RHOJ: variants seen among roughly 807,000 people sequenced by gnomAD.
RHOJ encodes the protein rho-related GTP-binding protein RhoJ.
Under a neutral mutation model 23.4 loss-of-function variants are expected in RHOJ, and 11 were observed. The observed-to-expected ratio is 0.47, with a 90% confidence interval of 0.30 to 0.78. The LOEUF (loss-of-function observed/expected upper bound fraction) is 0.78, where lower values mean the gene tolerates loss of function less well. Among genes scored for constraint, RHOJ ranks in the 30% least tolerant of loss-of-function variants. RHOJ has a pLI of 0.08. For synonymous variants in RHOJ, 102 were observed against 102.7 expected (o/e 0.99, Z 0.04); for missense variants, 254 against 273.4 (o/e 0.93, Z 0.50).
rs1413378306 is a variant in RHOJ, at chr14:63,283,427, T to C, written c.498+211T>C. Among the ~76,000 whole-genome samples the C allele has an allele frequency of 2.0e-5, 3 of 152,242 alleles. No homozygotes were observed. The East Asian group carries it at 5.8e-4, about 29-fold the overall frequency. ...GTCAGCCAGCATTGTCTGTTTTTCATTCAGAAAGCAATTTGGTGAATTTAA... is the reference window on the plus strand; with the variant it reads ...GTCAGCCAGCATTGTCTGTTTTTCACTCAGAAAGCAATTTGGTGAATTTAA... On this transcript the variant is annotated intron_variant, in intron 4 of 4. Coordinates refer to ENST00000316754, the MANE Select transcript of RHOJ (RefSeq NM_020663.5).
At position 63,204,867 on chromosome 14, in the gene RHOJ, A is replaced by G. The variant is rs751288708; in HGVS notation, c.-3A>G. 6.2e-7 allele frequency: 1 copy of G among 1,611,790 alleles called. No individual in the cohort carries two copies. Among genetic ancestry groups the G allele is most frequent in the Admixed American group, 1.7e-5 (1 of 59,526 alleles). On this transcript the variant is annotated 5_prime_UTR_variant, in exon 1 of 5. Transcript: ENST00000316754. Reference sequence around the variant, plus strand: ...GGAGTCCCCAGCAGCTGGAGCCGCAAGAATGAACTGCAAAGAGGGAACTGA... The same window carrying G: ...GGAGTCCCCAGCAGCTGGAGCCGCAGGAATGAACTGCAAAGAGGGAACTGA...
intron 1 of RHOJ, among the ~76,000 whole-genome samples, chr14:63,211,485 A>G (rs192551450): frequency 2.0e-5 from 3 of 152,264 alleles, no homozygotes; most frequent in Admixed American, 2.0e-4. Flanking sequence ...TTATGGATAC[A>G]TTAATGGTTG....
chr14:63,270,484 C>A (rs1037510393), intron 2 of RHOJ, among the ~76,000 whole-genome samples: 2 of 152,130 alleles, frequency 1.3e-5, no homozygotes, highest in African/African-American at 4.8e-5. Context: ...GCAAGACATA[C>A]GACTAAGAAA....
intron 1 of RHOJ, among the ~76,000 whole-genome samples, chr14:63,220,444 A>T (rs942707010): frequency 6.8e-6 from 1 of 147,492 alleles, no homozygotes; most frequent in Non-Finnish European, 1.5e-5. Context: ...CCCTGAACTT[A>T]AAAGTTAAAA....
chr14:63,267,900 C>T (rs563546039), intron 1 of RHOJ, among the ~76,000 whole-genome samples: 2 of 152,284 alleles, frequency 1.3e-5, no homozygotes, highest in Admixed American at 1.3e-4. Context: ...GGGGACGTAG[C>T]GCTTTTAAAC....
Position 63,257,413 on chromosome 14 carries a change from C to T in RHOJ, c.179-11697C>T, listed in dbSNP as rs114406860. Among the ~76,000 whole-genome samples the T allele has an allele frequency of 3.9e-3, 578 of 149,934 alleles. 33 individuals are homozygous for T. The highest frequency in any genetic ancestry group is 0.014 in the African/African-American group (553 of 40,728). On this transcript the variant is annotated intron_variant, in intron 1 of 4. Transcript: ENST00000316754. Reference sequence around the variant, plus strand: ...CCTCCAGAATTCATTTGGGTTTTCCCAGATGAAGGGTCATAGGTCAAGACT... The same window carrying T: ...CCTCCAGAATTCATTTGGGTTTTCCTAGATGAAGGGTCATAGGTCAAGACT...
chr14:63,288,145 A>G, intron 4 of RHOJ: 1 of 981,324 alleles, frequency 1.0e-6, no homozygotes, highest in Non-Finnish European at 1.2e-6. Context: ...ATATTAACTC[A>G]GTTACACAAT....
Position 63,282,248 on chromosome 14 carries a change from G to A in RHOJ, c.403-873G>A, listed in dbSNP as rs927217973. Among the ~76,000 whole-genome samples, 5 of 150,950 alleles carry A rather than the reference G, an allele frequency of 3.3e-5. No homozygotes were observed. In the East Asian group the frequency reaches 7.8e-4, roughly 23 times the overall value. The stretch of plus-strand genomic sequence containing the variant: ...ATTCAAGCTGATTTTATTAGAGATA[G>A]GCACAAAATTGAACAATTATCACAC... On this transcript the variant is annotated intron_variant, in intron 3 of 4. Transcript: ENST00000316754.
intron 2 of RHOJ, among the ~76,000 whole-genome samples, chr14:63,270,397 G>A (rs1467121088): frequency 3.3e-5 from 5 of 152,252 alleles, no homozygotes; most frequent in East Asian, 1.9e-4. Context: ...AGCATCCGGC[G>A]TCCCCTCATT....
chr14:63,227,957 A>G (rs573146935), intron 1 of RHOJ, among the ~76,000 whole-genome samples: 32 of 152,298 alleles, frequency 2.1e-4, no homozygotes, highest in Admixed American at 1.9e-3. Context: ...TCACATCGGT[A>G]TAGGGTTTTG....
chr14:63,277,610 G>A (rs1258115631), intron 2 of RHOJ, among the ~76,000 whole-genome samples: 3 of 152,138 alleles, frequency 2.0e-5, no homozygotes, highest in Admixed American at 1.3e-4. Flanking sequence ...CACTGTAGAG[G>A]TCATTTCTTC....
At chr14:63,238,549 G>A (rs945787757) in intron 1 of RHOJ, among the ~76,000 whole-genome samples, 1 of 152,092 alleles carries the variant, frequency 6.6e-6, no homozygotes, top group Non-Finnish European at 1.5e-5. Context: ...AACCTCCCAA[G>A]TAGCTGGAAC....
chr14:63,254,805 G>C (rs941022191), intron 1 of RHOJ, among the ~76,000 whole-genome samples: 4 of 152,054 alleles, frequency 2.6e-5, no homozygotes, highest in Non-Finnish European at 5.9e-5. Context: ...GCAACAGTGG[G>C]TACTTCCACA....
chr14:63,293,352 C>G lies in RHOJ; in HGVS notation c.*2328C>G, dbSNP rs899904719. 4 of 152,232 alleles carry G rather than the reference C, an allele frequency of 2.6e-5. No individual in the cohort carries two copies. The highest frequency in any genetic ancestry group is 1.3e-4 in the Admixed American group (2 of 15,284). The allele number at this position is 152,232 out of a possible 1,614,324, so 9.4% of individuals were successfully genotyped here. On this transcript the variant is annotated 3_prime_UTR_variant, in exon 5 of 5. Coordinates refer to ENST00000316754, the MANE Select transcript of RHOJ (RefSeq NM_020663.5). ...AGGCAAATAGCTCCCGAGGTCACCA[C>G]TTCCCTAATGGGCCACAGGAAGTAA...
intron 1 of RHOJ, among the ~76,000 whole-genome samples, chr14:63,263,215 C>T (rs532021910): frequency 3.3e-5 from 5 of 152,124 alleles, no homozygotes; most frequent in African/African-American, 7.2e-5. Context: ...TGATAGGATT[C>T]GAATACAGAA....
At chr14:63,287,668 A>G (rs1344208935) in intron 4 of RHOJ, among the ~76,000 whole-genome samples, 2 of 151,214 alleles carry the variant, frequency 1.3e-5, no homozygotes, top group Non-Finnish European at 2.9e-5. Context: ...TGCTTTTGAG[A>G]TAATAAGTTT....
At chr14:63,220,676 A>G (rs528346417) in intron 1 of RHOJ, among the ~76,000 whole-genome samples, 1 of 152,304 alleles carries the variant, frequency 6.6e-6, no homozygotes, top group Admixed American at 6.5e-5. Context: ...GTTCTGTTAC[A>G]TCAGAGTAGG....
Position 63,270,152 on chromosome 14 carries a change from C to T in RHOJ, c.237+984C>T, listed in dbSNP as rs116890938. Among the ~76,000 whole-genome samples the T allele has an allele frequency of 3.2e-4, 47 of 145,118 alleles. No individual in the cohort carries two copies. In the East Asian group the frequency reaches 9.2e-3, roughly 29 times the overall value. ...GTTTCCTGGGAATTGTTATTTGTAG[C>T]GATGCATTCGTCTAGGCCTTTTTTT... On this transcript the variant is annotated intron_variant, in intron 2 of 4. Coordinates refer to ENST00000316754, the MANE Select transcript of RHOJ (RefSeq NM_020663.5).
intron 1 of RHOJ, among the ~76,000 whole-genome samples, chr14:63,205,643 A>C (rs753177945): frequency 6.6e-5 from 10 of 152,252 alleles, no homozygotes; most frequent in Non-Finnish European, 1.3e-4. Context: ...AAAGAAAAAT[A>C]TTTAATTAAC....
Sources: allele counts gnomAD v4.1 joint callset (sites outside exome capture counted in the v4.1 genomes callset), GRCh38; gene constraint gnomAD v4.1.1; transcripts MANE v1.5; gene names NCBI Gene and HGNC (gene_info 2026-07-23, HGNC 2026-07-21).